PCYOX1L: variants seen among roughly 807,000 people sequenced by gnomAD.
PCYOX1L encodes prenylcysteine oxidase 1 like, also known as prenylcysteine oxidase 1-like.
In PCYOX1L, 40 loss-of-function variants were observed where a neutral mutation model predicts 44.1. The observed-to-expected ratio is 0.91, with a 90% CI of 0.70 to 1.18. The LOEUF (loss-of-function observed/expected upper bound fraction) is 1.18, where lower values mean the gene tolerates loss of function less well. Ranked by LOEUF, PCYOX1L falls within the 50% of genes most tolerant of loss-of-function variation. The pLI is 0.00. For missense variants in PCYOX1L, 605 were observed against 653.3 expected (o/e 0.93, Z 0.81); for synonymous variants, 266 against 282.8 (o/e 0.94, Z 0.60).
intron 1 of PCYOX1L, among the ~76,000 whole-genome samples, chr5:149,358,829 C>G (rs753148032): frequency 6.6e-6 from 1 of 152,180 alleles, no homozygotes; most frequent in Non-Finnish European, 1.5e-5. Flanking sequence ...TGAAAATGTT[C>G]AGATGTACAG....
rs750898383 is a variant in PCYOX1L at position 149,368,361 on chromosome 5, TC to T, written c.1197del (p.Lys400SerfsTer8). 16 of 1,613,952 alleles carry T rather than the reference TC, an allele frequency of 9.9e-6. No individual in the cohort carries two copies. In the Admixed American group the frequency reaches 2.2e-4, roughly 22 times the overall value. On this transcript the variant is annotated frameshift_variant, in exon 6 of 6. Coordinates refer to ENST00000274569, the MANE Select transcript of PCYOX1L (RefSeq NM_024028.4). LOFTEE classifies it high-confidence loss of function. ...GGAGGCAGCTGTTTGGCGAGTCCAG[TC>T]CCCCAAGCCCCTCTTTCGGACCCAG... The part of the protein sequence containing the change: ...PQEAAVWRVQ[S>X]PKPLFRTQLK...
intron 1 of PCYOX1L, among the ~76,000 whole-genome samples, chr5:149,361,724 G>A (rs1032732670): frequency 2.0e-5 from 3 of 152,186 alleles, no homozygotes; most frequent in Non-Finnish European, 4.4e-5. Flanking sequence ...CGCCTCCCAG[G>A]TTCAAGCGAT....
In PCYOX1L at chr5:149,369,368, C is replaced by T. The variant is rs1447866856; in HGVS notation, c.*714C>T. Reference sequence around the variant, plus strand: ...GGAAGAGGGAAGCTCTTCCTTGGCACCTAGAGGAATTAGCCATTCTCTTCC... The same window carrying T: ...GGAAGAGGGAAGCTCTTCCTTGGCATCTAGAGGAATTAGCCATTCTCTTCC... On this transcript the variant is annotated 3_prime_UTR_variant, in exon 6 of 6. Transcript: ENST00000274569. 2 of 152,106 alleles carry T rather than the reference C, an allele frequency of 1.3e-5. No homozygotes were observed. Among genetic ancestry groups the T allele is most frequent in the Non-Finnish European group, 2.9e-5 (2 of 68,022 alleles). The allele number at this position is 152,106 out of a possible 1,614,324, so 9.4% of individuals were successfully genotyped here.
In PCYOX1L at chr5:149,368,923, C is replaced by T. The variant is rs184543377; in HGVS notation, c.*269C>T. On this transcript the variant is annotated 3_prime_UTR_variant, in exon 6 of 6. Coordinates refer to ENST00000274569, the MANE Select transcript of PCYOX1L (RefSeq NM_024028.4). ...TTTTTTTAAGAAGAAAAAAGTTCAT[C>T]TTCACAAGGTGCTTCAGACTTGGTT... The T allele has an allele frequency of 6.6e-6, 2 of 304,362 alleles. No homozygotes were observed. The highest frequency in any genetic ancestry group is 1.1e-4 in the East Asian group (2 of 18,002). The allele number at this position is 304,362 out of a possible 1,614,324, so 18.9% of individuals were successfully genotyped here.
At chr5:149,360,965 T>A (rs1757990811) in intron 1 of PCYOX1L, among the ~76,000 whole-genome samples, 1 of 152,264 alleles carries the variant, frequency 6.6e-6, no homozygotes, top group Non-Finnish European at 1.5e-5. Flanking sequence ...ACCAGATTTA[T>A]TTAATTTTCT....
rs538301725 is a variant in PCYOX1L, at chr5:149,367,850, G to A, written c.824-143G>A. ...GCTTCTTCTGCAGCCGCATCAGCAT[G>A]GAGAGGCCAGGACCCACCATTTAGA... On this transcript the variant is annotated intron_variant, in intron 5 of 5. Coordinates refer to ENST00000274569, the MANE Select transcript of PCYOX1L (RefSeq NM_024028.4). The A allele has an allele frequency of 4.6e-6, 4 of 862,260 alleles. No individual in the cohort carries two copies. The South Asian group carries it at 7.3e-5, about 16-fold the overall frequency. 53.4% of individuals were successfully genotyped at this position (862,260 alleles called of 1,614,324 possible). A position where few individuals can be genotyped will look rare whatever the true frequency, so the allele number is the denominator to read the frequency against.
At chr5:149,358,624 C>T (rs759323469) in intron 1 of PCYOX1L, among the ~76,000 whole-genome samples, 1 of 152,110 alleles carries the variant, frequency 6.6e-6, no homozygotes, top group Non-Finnish European at 1.5e-5. Context: ...AGAGGAGGGG[C>T]GCTTCACCCT....
chr5:149,360,152 C>T (rs1475436175), intron 1 of PCYOX1L, among the ~76,000 whole-genome samples: 4 of 152,334 alleles, frequency 2.6e-5, no homozygotes, highest in South Asian at 4.1e-4. Context: ...CATGGGTTGT[C>T]GTTGCTAATT....
chr5:149,363,104 C>T (rs371788956), intron 2 of PCYOX1L: 130 of 616,096 alleles, frequency 2.1e-4, no homozygotes, highest in African/African-American at 2.0e-3. Context: ...TCTAAATAAT[C>T]GTGATTATAT....
At chr5:149,364,359 G>A in intron 3 of PCYOX1L, 149 bp downstream of exon 3, 2 of 923,032 alleles carry the variant, frequency 2.2e-6, no homozygotes, top group East Asian at 5.3e-5. Flanking sequence ...GCAAGCCCCT[G>A]GCATGAGGAA....
chr5:149,360,099 C>G (rs1301281853), intron 1 of PCYOX1L, among the ~76,000 whole-genome samples: 1 of 152,256 alleles, frequency 6.6e-6, no homozygotes, highest in Non-Finnish European at 1.5e-5. Flanking sequence ...GCAGAATTCA[C>G]TGCTTCCCCT....
intron 3 of PCYOX1L, chr5:149,365,420 G>C (rs1410188303): frequency 6.1e-6 from 1 of 163,288 alleles, no homozygotes; most frequent in African/African-American, 2.4e-5. Context: ...TAGTGAGATT[G>C]CATGAGTGAT....
chr5:149,360,800 C>G (rs1757986473), intron 1 of PCYOX1L, among the ~76,000 whole-genome samples: 1 of 152,144 alleles, frequency 6.6e-6, no homozygotes, highest in South Asian at 2.1e-4. Flanking sequence ...CCTAGACAGA[C>G]AAGAAGGTGG....
Position 149,368,673 on chromosome 5 carries a change from G to C in PCYOX1L, c.*19G>C. 1 of 1,499,378 alleles carries C rather than the reference G, an allele frequency of 6.7e-7. No homozygotes were observed. The allele number at this position is 1,499,378 out of a possible 1,614,324, so 92.9% of individuals were successfully genotyped here. ...ACTGTGAGGGCTCTAGGGAGAGCCT[G>C]GGAACTTTCATCCCCCACTGAAGAT... On this transcript the variant is annotated 3_prime_UTR_variant, in exon 6 of 6. Transcript: ENST00000274569.
chr5:149,361,808 A>G (rs922743376), intron 1 of PCYOX1L, among the ~76,000 whole-genome samples: 9 of 152,154 alleles, frequency 5.9e-5, no homozygotes, highest in African/African-American at 2.2e-4. Context: ...TTGTATTTTT[A>G]GTAGAGACAG....
chr5:149,361,257 C>A lies in PCYOX1L; in HGVS notation c.89-1380C>A, dbSNP rs572995927. ...AACCTCATCTCTACGAAAAATATGT[C>A]GGGCATGGTGGCATGTGCCTGTAGT... On this transcript the variant is annotated intron_variant, in intron 1 of 5. Transcript: ENST00000274569. 3.2e-4 allele frequency among the ~76,000 whole-genome samples: 49 copies of A among 152,128 alleles called. 1 individual carries two copies. Among genetic ancestry groups the A allele is most frequent in the Non-Finnish European group, 5.4e-4 (37 of 67,970 alleles).
intron 5 of PCYOX1L, among the ~76,000 whole-genome samples, chr5:149,367,783 G>A (rs1347510166): frequency 2.6e-5 from 4 of 152,176 alleles, no homozygotes; most frequent in African/African-American, 4.8e-5. Context: ...GGCCAGCGGC[G>A]GAAGCAGAGC....
At chr5:149,363,921 C>T in intron 2 of PCYOX1L, 115 bp from the exon 3 acceptor site, 1 of 1,171,746 alleles carries the variant, frequency 8.5e-7, no homozygotes, top group Non-Finnish European at 1.2e-6. Flanking sequence ...TATTAACAAG[C>T]AGCACAAATG....
rs764529989 is a variant in PCYOX1L, at chr5:149,362,812, C to G, written c.264C>G (p.Ser88Arg). ...GGGCTGCCTCCTTCCACTCCCTGAG[C>G]CTGCACATGCAGGACTTCGTCAAGC... ...ESGAASFHSL[S>R]LHMQDFVKLL... Residue 88 changes from serine to arginine, a missense_variant, in exon 2 of 6, where the codon AGC becomes AGG. Physicochemically the swap from Ser to Arg is moderately radical, Grantham distance 110 (BLOSUM62 -1). Coordinates refer to ENST00000274569, the MANE Select transcript of PCYOX1L (RefSeq NM_024028.4). 54 of 1,613,990 alleles carry G rather than the reference C, an allele frequency of 3.3e-5. No individual in the cohort carries two copies. Among genetic ancestry groups the G allele is most frequent in the Non-Finnish European group, 4.6e-5 (54 of 1,180,056 alleles).
Sources: gnomAD v4.1 joint callset for allele counts (sites outside exome capture counted in the v4.1 genomes callset) on GRCh38, gnomAD v4.1.1 for gene constraint, MANE v1.5 for transcripts, NCBI Gene and HGNC (gene_info 2026-07-23, HGNC 2026-07-21) for gene names.